The following GUCY1A1 variants were observed in gnomAD, a reference collection of about 807,000 sequenced individuals.
GUCY1A1 encodes guanylate cyclase soluble subunit alpha-1.
A neutral mutation model predicts 64.5 loss-of-function variants in GUCY1A1; 48 were observed. The observed-to-expected ratio is 0.74, with a 90% CI of 0.59 to 0.95. The LOEUF (loss-of-function observed/expected upper bound fraction) is 0.95, where lower values mean the gene tolerates loss of function less well. Among genes scored for constraint, GUCY1A1 ranks in the 40% least tolerant of loss-of-function variants. The probability of loss-of-function intolerance (pLI) is 0.00; values close to 1 mark genes in which losing one functional copy is unlikely to be tolerated. For missense variants in GUCY1A1, 804 were observed against 825.3 expected (o/e 0.97, Z 0.32); for synonymous variants, 308 against 303.4 (o/e 1.02, Z -0.16).
At chr4:155,686,824 A>G (rs1475632908) in intron 2 of GUCY1A1, among the ~76,000 whole-genome samples, 1 of 152,220 alleles carries the variant, frequency 6.6e-6, no homozygotes, top group Admixed American at 6.5e-5. Context: ...CTAATATTTC[A>G]TTAAAGGAAT....
chr4:155,670,898 G>A (rs552644671), intron 2 of GUCY1A1, among the ~76,000 whole-genome samples: 7 of 152,104 alleles, frequency 4.6e-5, no homozygotes, highest in Non-Finnish European at 7.4e-5. Context: ...ACCTTCTTAG[G>A]GGGGAAGCAA....
chr4:155,708,088 C>T lies in GUCY1A1; in HGVS notation c.318-148C>T, dbSNP rs548921619. ...TCCTGACCTTGTGATCCACCCACCTCGGCCTCCCAAAGTGCTGGGATTACA... is the reference window on the plus strand; with the variant it reads ...TCCTGACCTTGTGATCCACCCACCTTGGCCTCCCAAAGTGCTGGGATTACA... On this transcript the variant is annotated intron_variant, in intron 4 of 9. Transcript: ENST00000506455. 115 of 467,588 alleles carry T rather than the reference C, an allele frequency of 2.5e-4. 1 individual carries two copies. The highest frequency in any genetic ancestry group is 1.9e-3 in the African/African-American group (95 of 50,428). The allele number at this position is 467,588 out of a possible 1,614,324, so 29.0% of individuals were successfully genotyped here.
chr4:155,681,764 C>T (rs1239853223), intron 2 of GUCY1A1, among the ~76,000 whole-genome samples: 1 of 152,158 alleles, frequency 6.6e-6, no homozygotes, highest in Non-Finnish European at 1.5e-5. Flanking sequence ...TATGTAGCCT[C>T]TTGATCTTAA....
Position 155,710,527 on chromosome 4 carries a change from A to G in GUCY1A1, c.377-15A>G. The G allele has an allele frequency of 7.1e-7, 1 of 1,406,340 alleles. No individual in the cohort carries two copies. The highest frequency in any genetic ancestry group is 1.0e-6 in the Non-Finnish European group (1 of 1,004,572). 87.1% of individuals were successfully genotyped at this position (1,406,340 alleles called of 1,614,324 possible). A position where few individuals can be genotyped will look rare whatever the true frequency, so the allele number is the denominator to read the frequency against. On this transcript the variant is annotated splice_polypyrimidine_tract_variant and intron_variant, in intron 5 of 9. Transcript: ENST00000506455. ...GCATATTTGATATGGCAGAACATGT[A>G]TTATGTGATTTCAGGAGTTCCAGTG... is the stretch of plus-strand genomic sequence containing the variant.
At chr4:155,728,068 T>G (rs868556728) in intron 9 of GUCY1A1, among the ~76,000 whole-genome samples, 3 of 151,846 alleles carry the variant, frequency 2.0e-5, no homozygotes, top group Non-Finnish European at 4.4e-5. Flanking sequence ...CAGAGGAAAA[T>G]AGATTCCCAG....
chr4:155,668,538 C>T (rs1413992185), intron 2 of GUCY1A1, among the ~76,000 whole-genome samples: 1 of 152,110 alleles, frequency 6.6e-6, no homozygotes, highest in Non-Finnish European at 1.5e-5. Context: ...ACATCTCTAC[C>T]ACTTACTAGA....
In GUCY1A1 at chr4:155,735,747, A is replaced by G. The variant is rs139086333; in HGVS notation, c.*5516A>G. On this transcript the variant is annotated 3_prime_UTR_variant, in exon 10 of 10. Transcript: ENST00000506455. ...TTTCAGAGAAAGTGAAAACAAAACA[A>G]AGCAAAACAAAAATGCTATTACAGA... 89 of 152,076 alleles carry G rather than the reference A, an allele frequency of 5.9e-4. No homozygotes were observed. Among genetic ancestry groups the G allele is most frequent in the African/African-American group, 2.0e-3 (84 of 41,530 alleles). 9.4% of individuals were successfully genotyped at this position (152,076 alleles called of 1,614,324 possible).
In GUCY1A1 at chr4:155,697,021, G is replaced by C. The variant is rs201420965; in HGVS notation, c.154G>C (p.Glu52Gln). 21 of 1,613,302 alleles carry C rather than the reference G, an allele frequency of 1.3e-5. No homozygotes were observed. Among genetic ancestry groups the C allele is most frequent in the Non-Finnish European group, 1.8e-5 (21 of 1,179,416 alleles). ...ATVPICQDIP[E>Q]KNIQESLPQR... ...CGTGCCCATCTGTCAAGACATTCCTGAGAAGAACATACAAGAAAGTCTTCC... is the reference window on the plus strand; with the variant it reads ...CGTGCCCATCTGTCAAGACATTCCTCAGAAGAACATACAAGAAAGTCTTCC... Residue 52 changes from glutamate to glutamine, a missense_variant, in exon 3 of 10, where the codon GAG becomes CAG. Coordinates refer to ENST00000506455, the MANE Select transcript of GUCY1A1 (RefSeq NM_001130682.3).
intron 2 of GUCY1A1, among the ~76,000 whole-genome samples, chr4:155,689,305 G>A (rs997800077): frequency 6.6e-6 from 1 of 151,984 alleles, no homozygotes; most frequent in Non-Finnish European, 1.5e-5. Context: ...TAACTATGAT[G>A]AGAATCATAG....
intron 2 of GUCY1A1, among the ~76,000 whole-genome samples, chr4:155,679,546 C>T (rs1735429579): frequency 1.3e-5 from 2 of 152,140 alleles, no homozygotes; most frequent in African/African-American, 2.4e-5. Context: ...TTTTGTGTAA[C>T]AGCCAGCTCT....
intron 9 of GUCY1A1, among the ~76,000 whole-genome samples, chr4:155,723,395 G>A (rs1579120127): frequency 6.6e-6 from 1 of 152,038 alleles, no homozygotes; most frequent in South Asian, 2.1e-4. Context: ...TACAGCCTGA[G>A]TCAATAAAAT....
At chr4:155,683,168 A>C (rs1040680353) in intron 2 of GUCY1A1, among the ~76,000 whole-genome samples, 1 of 152,202 alleles carries the variant, frequency 6.6e-6, no homozygotes, top group African/African-American at 2.4e-5. Flanking sequence ...CAGACCTTGG[A>C]AATGCATAAA....
At position 155,710,582 on chromosome 4, in the gene GUCY1A1, G is replaced by C; in HGVS notation, c.417G>C (p.Glu139Asp). The part of the protein sequence containing the change: ...VEVIKESLGE[E>D]VFKICYEEDE... The stretch of plus-strand genomic sequence containing the variant: ...TTATCAAAGAATCTCTTGGTGAAGA[G>C]GTTTTTAAAATATGTTACGAGGAAG... Residue 139 changes from glutamate (E) to aspartate (D), a missense_variant, in exon 6 of 10, where the codon GAG becomes GAC. Glu to Asp is a conservative substitution (Grantham distance 45). Coordinates refer to ENST00000506455, the MANE Select transcript of GUCY1A1 (RefSeq NM_001130682.3). 6.2e-7 allele frequency: 1 copy of C among 1,611,760 alleles called. No individual in the cohort carries two copies. Among genetic ancestry groups the C allele is most frequent in the Non-Finnish European group, 8.5e-7 (1 of 1,178,862 alleles).
chr4:155,688,244 A>C (rs1962695), intron 2 of GUCY1A1, among the ~76,000 whole-genome samples: 104,023 of 142,560 alleles, frequency 0.73, 38,056 homozygotes, highest in East Asian at 0.85. Flanking sequence ...AACAAACAAA[A>C]AAAAAAAAAA....
chr4:155,680,630 A>G (rs1261766947), intron 2 of GUCY1A1, among the ~76,000 whole-genome samples: 1 of 152,204 alleles, frequency 6.6e-6, no homozygotes, highest in African/African-American at 2.4e-5. Context: ...CCGATAACAT[A>G]AACAGTTGAT....
chr4:155,725,064 C>T (rs951040728), intron 9 of GUCY1A1, among the ~76,000 whole-genome samples: 5 of 152,108 alleles, frequency 3.3e-5, no homozygotes, highest in African/African-American at 1.2e-4. Flanking sequence ...CAACAACCTT[C>T]TCCTCACATA....
chr4:155,701,274 T>A (rs909510180), intron 3 of GUCY1A1, among the ~76,000 whole-genome samples: 2 of 152,244 alleles, frequency 1.3e-5, no homozygotes. Flanking sequence ...TGGTCAAGTA[T>A]GCTACTAATG....
rs1418804233 is a variant in GUCY1A1, at chr4:155,697,081, C to T, written c.214C>T (p.His72Tyr). The T allele has an allele frequency of 1.2e-6, 2 of 1,613,292 alleles. No individual in the cohort carries two copies. The highest frequency in any genetic ancestry group is 1.7e-6 in the Non-Finnish European group (2 of 1,179,376). ...RKTSRSRVYL[H>Y]TLAESICKLI... The stretch of plus-strand genomic sequence containing the variant: ...AACCAGTCGGAGCCGAGTCTATCTT[C>T]ACACTTTGGCAGAGAGTATTTGCAA... Residue 72 changes from histidine (H) to tyrosine (Y), a missense_variant, in exon 3 of 10, where the codon CAC becomes TAC. By Grantham distance (83) the His-to-Tyr change is moderately conservative. Coordinates refer to ENST00000506455, the MANE Select transcript of GUCY1A1 (RefSeq NM_001130682.3).
intron 2 of GUCY1A1, among the ~76,000 whole-genome samples, chr4:155,669,483 A>G (rs1253960067): frequency 1.3e-5 from 2 of 151,994 alleles, no homozygotes; most frequent in Admixed American, 6.6e-5. Context: ...AAGGAAATAT[A>G]AAATTATTTT....
Sources: allele counts gnomAD v4.1 joint callset (sites outside exome capture counted in the v4.1 genomes callset), GRCh38; gene constraint gnomAD v4.1.1; transcripts MANE v1.5; gene names NCBI Gene and HGNC (gene_info 2026-07-23, HGNC 2026-07-21).